The following SLC6A15 variants were observed in gnomAD, a reference collection of about 807,000 sequenced individuals.
SLC6A15 encodes the protein solute carrier family 6 member 15.
Under a neutral mutation model 68.5 loss-of-function variants are expected in SLC6A15, and 33 were observed. The observed-to-expected ratio is 0.48, with a 90% CI of 0.37 to 0.64. The LOEUF is 0.64. Among genes scored for constraint, SLC6A15 ranks in the 30% least tolerant of loss-of-function variants. The pLI is 0.00. For synonymous variants in SLC6A15, 347 were observed against 301.0 expected (o/e 1.15, Z -1.58); for missense variants, 747 against 874.3 (o/e 0.85, Z 1.84).
chr12:84,867,238 C>T, intron 9 of SLC6A15, 45 bp from the exon 10 acceptor site: 1 of 1,476,310 alleles, frequency 6.8e-7, no homozygotes, highest in Non-Finnish European at 9.1e-7. Context: ...TATTCAGAGA[C>T]AAGGCCTTTA....
intron 8 of SLC6A15, 105 bp from the exon 9 acceptor site, chr12:84,870,775 A>C (rs1592594595): frequency 3.2e-6 from 2 of 632,370 alleles, no homozygotes; most frequent in East Asian, 6.0e-5. Flanking sequence ...AATGGCCAGG[A>C]CTGCTGGAAA....
chr12:84,910,797 C>A (rs2120756125), intron 1 of SLC6A15, among the ~76,000 whole-genome samples: 1 of 152,272 alleles, frequency 6.6e-6, no homozygotes, highest in Non-Finnish European at 1.5e-5. Flanking sequence ...TGCTCAGACC[C>A]CTTCTGCCCG....
chr12:84,889,939 T>C (rs188224722), intron 2 of SLC6A15, among the ~76,000 whole-genome samples: 16 of 152,288 alleles, frequency 1.1e-4, no homozygotes, highest in African/African-American at 3.9e-4. Context: ...AACTTTATAT[T>C]GACTCTATTA....
At chr12:84,886,760 G>T (rs1872124441) in intron 2 of SLC6A15, among the ~76,000 whole-genome samples, 1 of 152,034 alleles carries the variant, frequency 6.6e-6, no homozygotes, top group African/African-American at 2.4e-5. Flanking sequence ...AAATGTATAT[G>T]TTATTATCCT....
Position 84,886,001 on chromosome 12 carries a change from G to C in SLC6A15, c.357C>G (p.Leu119=). The change falls in exon 3 of 12, where the codon CTC becomes CTG. Residue 119 remains leucine (L), a synonymous_variant. Transcript: ENST00000266682. ...VIGIPLFFLE[L]SVGQRIRRGS... ...CTCGCCGAATTCTTTGACCCACAGA[G>C]AGTTCCAAGAAAAAAAGGGGAATAC... 6.2e-7 allele frequency: 1 copy of C among 1,612,052 alleles called. No homozygotes were observed. The highest frequency in any genetic ancestry group is 2.2e-5 in the East Asian group (1 of 44,768).
rs34160834 is a variant in SLC6A15, at chr12:84,869,464, C to CAAA, written c.1495+1011_1495+1013dup. 6.4e-3 allele frequency among the ~76,000 whole-genome samples: 402 copies of CAAA among 62,910 alleles called. 5 individuals carry two copies. Among genetic ancestry groups the CAAA allele is most frequent in the Middle Eastern group, 0.021 (2 of 94 alleles). 41.3% of individuals were successfully genotyped at this position (62,910 alleles called of 152,430 possible). On this transcript the variant is annotated intron_variant, in intron 9 of 11. Coordinates refer to ENST00000266682, the MANE Select transcript of SLC6A15 (RefSeq NM_182767.6). ...TGGGCGACAGAGCAAGACTCCGTCT[C>CAAA]AAAAAAAAAAAAAAAAAAAAAAAGC... is the stretch of plus-strand genomic sequence containing the variant.
intron 1 of SLC6A15, among the ~76,000 whole-genome samples, chr12:84,910,370 A>G (rs1199696656): frequency 1.3e-5 from 2 of 152,206 alleles, no homozygotes; most frequent in Admixed American, 6.5e-5. Context: ...TTGTTGGGAT[A>G]TGTTTTACCA....
intron 5 of SLC6A15, among the ~76,000 whole-genome samples, chr12:84,877,071 CCAAA>C (rs755723662): frequency 2.0e-5 from 3 of 152,066 alleles, no homozygotes; most frequent in Non-Finnish European, 4.4e-5. Context: ...CTTCCAGAAC[CCAAA>C]CAATCAAACG....
chr12:84,881,772 G>T, intron 5 of SLC6A15: 1 of 901,902 alleles, frequency 1.1e-6, no homozygotes, highest in Non-Finnish European at 1.3e-6. Context: ...TTTCTGTTTA[G>T]TAGGTAAACA....
intron 5 of SLC6A15, chr12:84,880,904 T>C (rs1421587980): frequency 2.0e-6 from 2 of 977,400 alleles, no homozygotes; most frequent in East Asian, 1.1e-4. Flanking sequence ...TCATTCTTTT[T>C]GAAAATTCTG....
At chr12:84,873,910 C>G (rs753090420) in intron 6 of SLC6A15, among the ~76,000 whole-genome samples, 9 of 152,156 alleles carry the variant, frequency 5.9e-5, no homozygotes, top group Non-Finnish European at 8.8e-5. Context: ...CTATAAGATA[C>G]TCTTTCAGAT....
rs751216238 is a variant in SLC6A15 at position 84,885,576 on chromosome 12, G to T, written c.448-15C>A. 3 of 1,606,424 alleles carry T rather than the reference G, an allele frequency of 1.9e-6. No homozygotes were observed. Among genetic ancestry groups the T allele is most frequent in the South Asian group, 1.1e-5 (1 of 90,062 alleles). On this transcript the variant is annotated splice_polypyrimidine_tract_variant and intron_variant, in intron 3 of 11. Coordinates refer to ENST00000266682, the MANE Select transcript of SLC6A15 (RefSeq NM_182767.6). Reference sequence around the variant, plus strand: ...AAATAGCACACCTGCAAAATAAAATGATATCCCATTAAACCTCTCATACCT... The same window carrying T: ...AAATAGCACACCTGCAAAATAAAATTATATCCCATTAAACCTCTCATACCT...
intron 1 of SLC6A15, among the ~76,000 whole-genome samples, chr12:84,905,001 A>G (rs73178481): frequency 1.4e-3 from 211 of 152,314 alleles, no homozygotes; most frequent in Non-Finnish European, 2.6e-3. Context: ...AAGAATTAAC[A>G]TCAATTCTAC....
rs1870822118 is a variant in SLC6A15 at position 84,861,026 on chromosome 12, T to C, written c.*606A>G. 6.6e-6 allele frequency: 1 copy of C among 152,164 alleles called. No individual in the cohort carries two copies. The highest frequency in any genetic ancestry group is 2.1e-4 in the South Asian group (1 of 4,830). 9.4% of individuals were successfully genotyped at this position (152,164 alleles called of 1,614,324 possible). A position where few individuals can be genotyped will look rare whatever the true frequency, so the allele number is the denominator to read the frequency against. ...CACATGATTCTCAGTCACCTCTGAA[T>C]CTCATCTTTCATCCCAGCGTTAGTG... On this transcript the variant is annotated 3_prime_UTR_variant, in exon 12 of 12. Coordinates refer to ENST00000266682, the MANE Select transcript of SLC6A15 (RefSeq NM_182767.6).
intron 1 of SLC6A15, among the ~76,000 whole-genome samples, chr12:84,908,842 A>G (rs986313499): frequency 1.3e-5 from 2 of 151,824 alleles, no homozygotes; most frequent in Non-Finnish European, 2.9e-5. Context: ...GCATAATTCT[A>G]CCTCTTAGTT....
chr12:84,881,724 T>C (rs1474286338), intron 5 of SLC6A15: 2 of 903,842 alleles, frequency 2.2e-6, no homozygotes, highest in Non-Finnish European at 2.6e-6. Context: ...ACAATATTTC[T>C]CTCTTCTGTA....
intron 4 of SLC6A15, 133 bp from the exon 5 acceptor site, chr12:84,884,173 A>C (rs1871969574): frequency 2.9e-6 from 2 of 679,842 alleles, no homozygotes; most frequent in Non-Finnish European, 4.9e-6. Context: ...CAGCATGTAA[A>C]TTCACAATGA....
At chr12:84,911,475 C>G (rs1873457649) in intron 1 of SLC6A15, among the ~76,000 whole-genome samples, 1 of 152,150 alleles carries the variant, frequency 6.6e-6, no homozygotes, top group South Asian at 2.1e-4. Context: ...CCTTTCCCAG[C>G]TAGGGAGGAG....
intron 10 of SLC6A15, among the ~76,000 whole-genome samples, chr12:84,864,018 A>G (rs1340978257): frequency 2.7e-5 from 4 of 150,910 alleles, no homozygotes; most frequent in African/African-American, 9.7e-5. Flanking sequence ...TTACTATGCT[A>G]TTAATACTAT....
Sources: allele counts gnomAD v4.1 joint callset (sites outside exome capture counted in the v4.1 genomes callset), GRCh38; gene constraint gnomAD v4.1.1; transcripts MANE v1.5; gene names NCBI Gene and HGNC (gene_info 2026-07-23, HGNC 2026-07-21).